The following NCKAP1 variants were observed in gnomAD, a reference collection of about 807,000 sequenced individuals.
NCKAP1 encodes the protein NCK associated protein 1.
Under a neutral mutation model 151.2 loss-of-function variants are expected in NCKAP1, and 21 were observed. The observed-to-expected ratio is 0.14, with a 90% CI of 0.10 to 0.20. NCKAP1 has a LOEUF of 0.20. Ranked by LOEUF, NCKAP1 falls within the 10% of genes least tolerant of loss-of-function variation. The pLI, the probability that NCKAP1 is intolerant of heterozygous loss-of-function variation, is 1.00. For missense variants in NCKAP1, 933 were observed against 1,352.1 expected, an observed-to-expected ratio of 0.69 and a Z score of 4.86; for synonymous variants, 484 against 451.8, an observed-to-expected ratio of 1.07 and a Z score of -0.90.
At chr2:183,003,800 G>A (rs577760332) in intron 2 of NCKAP1, among the ~76,000 whole-genome samples, 8 of 151,964 alleles carry the variant, frequency 5.3e-5, no homozygotes, top group Admixed American at 1.3e-4. Context: ...CATAAAATAC[G>A]GTAACGGTTC....
At position 182,989,140 on chromosome 2, in the gene NCKAP1, T is replaced by A. The variant is rs1432925550; in HGVS notation, c.837A>T (p.Ala279=). ...CHGILNTDAT[A]LNLWKLALQS... ...GAAGAGCTAGTTTCCAAAGGTTCAG[T>A]GCTGTAGCGTCAGTATTTAGGATCC... Residue 279 remains alanine, a synonymous_variant, in exon 9 of 31, where the codon GCA becomes GCT. Coordinates refer to ENST00000361354, the MANE Select transcript of NCKAP1 (RefSeq NM_013436.5). The A allele has an allele frequency of 6.2e-7, 1 of 1,612,428 alleles. No homozygotes were observed.
chr2:182,972,544 C>T (rs1236670870), intron 15 of NCKAP1, among the ~76,000 whole-genome samples: 1 of 152,022 alleles, frequency 6.6e-6, no homozygotes, highest in Non-Finnish European at 1.5e-5. Context: ...AAAATAGATC[C>T]AGCAATCACA....
chr2:183,013,678 T>G (rs186424960), intron 2 of NCKAP1, among the ~76,000 whole-genome samples: 1 of 152,232 alleles, frequency 6.6e-6, no homozygotes, highest in Admixed American at 6.5e-5. Context: ...TTCATTCCCC[T>G]ACTACTCCCC....
chr2:183,029,573 G>A (rs1445422952), intron 1 of NCKAP1, among the ~76,000 whole-genome samples: 3 of 151,848 alleles, frequency 2.0e-5, no homozygotes, highest in Non-Finnish European at 2.9e-5. Context: ...TGCAATCCCA[G>A]CACTTGCGGA....
chr2:182,966,353 T>G (rs949062730), intron 16 of NCKAP1, among the ~76,000 whole-genome samples: 1 of 151,890 alleles, frequency 6.6e-6, no homozygotes, highest in Non-Finnish European at 1.5e-5. Flanking sequence ...TGGCGTGATC[T>G]TGGCTCACTG....
intron 9 of NCKAP1, among the ~76,000 whole-genome samples, chr2:182,987,911 T>C (rs899065957): frequency 9.2e-5 from 14 of 152,086 alleles, no homozygotes; most frequent in African/African-American, 3.4e-4. Context: ...GGCATGGCAG[T>C]ACCGACCAGA....
chr2:182,963,082 A>G (rs1697491085), intron 17 of NCKAP1, among the ~76,000 whole-genome samples: 1 of 152,094 alleles, frequency 6.6e-6, no homozygotes, highest in Admixed American at 6.6e-5. Context: ...TAAGTGTAAA[A>G]TACATAAAAT....
intron 16 of NCKAP1, among the ~76,000 whole-genome samples, chr2:182,965,734 G>A (rs1034461952): frequency 6.6e-6 from 1 of 152,150 alleles, no homozygotes; most frequent in Non-Finnish European, 1.5e-5. Flanking sequence ...CAAGAAAGGG[G>A]ATATGACTTT....
At chr2:182,980,392 T>G (rs899406287) in intron 13 of NCKAP1, among the ~76,000 whole-genome samples, 1 of 152,060 alleles carries the variant, frequency 6.6e-6, no homozygotes, top group African/African-American at 2.4e-5. Context: ...TGGTTATTTC[T>G]CTGGAAAACT....
Position 183,038,246 on chromosome 2 carries a change from C to CCCGCG in NCKAP1, c.-152_-148dup. On this transcript the variant is annotated 5_prime_UTR_variant, in exon 1 of 31. Transcript: ENST00000361354. ...GCGCCCATGGCCCTCGCGCCCCAAT[C>CCCGCG]CCGCGCCGGCGACAGAGCGAGCCGC... The CCCGCG allele has an allele frequency of 2.1e-6, 1 of 472,924 alleles. No individual in the cohort carries two copies. The highest frequency in any genetic ancestry group is 3.7e-5 in the East Asian group (1 of 26,856). 29.3% of individuals were successfully genotyped at this position (472,924 alleles called of 1,614,324 possible).
At chr2:182,930,839 G>GTGAGCTTTCTC in intron 26 of NCKAP1, 51 bp from the exon 27 acceptor site, 1 of 1,494,244 alleles carries the variant, frequency 6.7e-7, no homozygotes, top group Non-Finnish European at 9.3e-7. Context: ...ACAAATTTCT[G>GTGAGCTTTCTC]AGAAAGCTCA....
chr2:182,968,716 A>G (rs1346255674), intron 15 of NCKAP1, among the ~76,000 whole-genome samples: 3 of 152,218 alleles, frequency 2.0e-5, no homozygotes, highest in African/African-American at 4.8e-5. Flanking sequence ...GCTGATGCCT[A>G]TGCTGCTTTC....
intron 8 of NCKAP1, among the ~76,000 whole-genome samples, chr2:182,990,488 A>G (rs993157934): frequency 2.6e-5 from 4 of 152,180 alleles, no homozygotes; most frequent in Admixed American, 6.5e-5. Context: ...TGAATTCTAA[A>G]TATCTTTTTT....
intron 2 of NCKAP1, among the ~76,000 whole-genome samples, chr2:183,021,695 G>A (rs1698800680): frequency 6.6e-6 from 1 of 152,256 alleles, no homozygotes; most frequent in Admixed American, 6.5e-5. Context: ...ACCAGTCACA[G>A]AAGACCACAT....
chr2:182,938,579 C>G (rs1322994713), intron 24 of NCKAP1, among the ~76,000 whole-genome samples: 2 of 151,922 alleles, frequency 1.3e-5, no homozygotes, highest in Non-Finnish European at 2.9e-5. Flanking sequence ...TGCATACAAA[C>G]TAGTCAAAAA....
At position 182,923,615 on chromosome 2, in the gene NCKAP1, G is replaced by A. The variant is rs773556535; in HGVS notation, c.*2087C>T. ...ATGGTATCTATAAAGGTATTAAAAA[G>A]AATATTAAAGACATTTTTTCTACTA... On this transcript the variant is annotated 3_prime_UTR_variant, in exon 31 of 31. Transcript: ENST00000361354. 2.0e-5 allele frequency: 3 copies of A among 152,074 alleles called. No homozygotes were observed. Among genetic ancestry groups the A allele is most frequent in the Non-Finnish European group, 4.4e-5 (3 of 68,010 alleles). 9.4% of individuals were successfully genotyped at this position (152,074 alleles called of 1,614,324 possible).
rs1266351098 is a variant in NCKAP1 at position 182,982,938 on chromosome 2, A to G, written c.1102-11T>C. The G allele has an allele frequency of 2.5e-6, 4 of 1,570,022 alleles. No individual in the cohort carries two copies. The highest frequency in any genetic ancestry group is 1.9e-5 in the Admixed American group (1 of 53,124). Reference sequence around the variant, plus strand: ...AAAAACAAAAAGTGCCTGTTTAAAAAAAAGTAAGTGTTTATTCTTATTCAA... The same window carrying G: ...AAAAACAAAAAGTGCCTGTTTAAAAGAAAGTAAGTGTTTATTCTTATTCAA... On this transcript the variant is annotated splice_polypyrimidine_tract_variant and intron_variant, in intron 11 of 30. Coordinates refer to ENST00000361354, the MANE Select transcript of NCKAP1 (RefSeq NM_013436.5).
chr2:182,928,290 C>A lies in NCKAP1; in HGVS notation c.3071-64G>T, dbSNP rs1575010838. The A allele has an allele frequency of 9.0e-6, 10 of 1,107,582 alleles. No individual in the cohort carries two copies. The East Asian group carries it at 2.2e-4, about 24-fold the overall frequency. The allele number at this position is 1,107,582 out of a possible 1,614,324, so 68.6% of individuals were successfully genotyped here. On this transcript the variant is annotated intron_variant, in intron 28 of 30. Transcript: ENST00000361354. Reference sequence around the variant, plus strand: ...AGCAAATAATACATAGAAGGCAAATCTTTAATGACTTCACAATCTGCATAA... The same window carrying A: ...AGCAAATAATACATAGAAGGCAAATATTTAATGACTTCACAATCTGCATAA...
intron 2 of NCKAP1, among the ~76,000 whole-genome samples, chr2:183,015,715 C>A (rs1004426911): frequency 6.6e-5 from 10 of 151,426 alleles, no homozygotes; most frequent in African/African-American, 2.2e-4. Flanking sequence ...GAAATCCAAA[C>A]CAAGCACTTA....
Sources: gnomAD v4.1 joint callset for allele counts (sites outside exome capture counted in the v4.1 genomes callset) on GRCh38, gnomAD v4.1.1 for gene constraint, MANE v1.5 for transcripts, NCBI Gene and HGNC (gene_info 2026-07-23, HGNC 2026-07-21) for gene names.